RBMS3: variants seen among roughly 807,000 people sequenced by gnomAD.
The protein encoded by RBMS3 is RNA-binding motif, single-stranded-interacting protein 3.
RBMS3 carries 27 observed loss-of-function variants against 66.8 expected under a neutral mutation model. The observed-to-expected ratio is 0.40, with a 90% CI of 0.30 to 0.56. The LOEUF is 0.56. RBMS3 is among the 20% of genes least tolerant of loss of function. RBMS3 has a pLI of 0.40. For synonymous variants in RBMS3, 188 were observed against 183.0 expected, an observed-to-expected ratio of 1.03 and a Z score of -0.22; for missense variants, 513 against 549.5, an observed-to-expected ratio of 0.93 and a Z score of 0.66.
At chr3:29,799,063 G>A (rs2057308011) in intron 6 of RBMS3, among the ~76,000 whole-genome samples, 1 of 151,230 alleles carries the variant, frequency 6.6e-6, no homozygotes, top group African/African-American at 2.4e-5. Flanking sequence ...CTTAAGCGAT[G>A]TCATTGATTT....
chr3:29,321,845 C>G (rs1272880939), intron 1 of RBMS3, among the ~76,000 whole-genome samples: 1 of 152,122 alleles, frequency 6.6e-6, no homozygotes, highest in African/African-American at 2.4e-5. Flanking sequence ...GCACACTCGT[C>G]CTCTCTGAGT....
intron 6 of RBMS3, among the ~76,000 whole-genome samples, chr3:29,785,661 C>T (rs189645094): frequency 2.6e-5 from 4 of 151,962 alleles, no homozygotes; most frequent in African/African-American, 4.8e-5. Context: ...ATGATTAAAC[C>T]CTCAGCAAAA....
intron 1 of RBMS3, among the ~76,000 whole-genome samples, chr3:29,327,382 T>G (rs2035401388): frequency 6.6e-6 from 1 of 152,182 alleles, no homozygotes; most frequent in Non-Finnish European, 1.5e-5. Context: ...TATATTTAAT[T>G]GTAAAAGTTA....
chr3:29,783,642 A>G (rs2056718330), intron 6 of RBMS3, among the ~76,000 whole-genome samples: 1 of 152,118 alleles, frequency 6.6e-6, no homozygotes, highest in Non-Finnish European at 1.5e-5. Flanking sequence ...ACACAATTAA[A>G]AAAAAGTATT....
At chr3:29,986,626 C>T (rs1391310904) in intron 12 of RBMS3, among the ~76,000 whole-genome samples, 1 of 152,172 alleles carries the variant, frequency 6.6e-6, no homozygotes, top group African/African-American at 2.4e-5. Flanking sequence ...CTACAACATA[C>T]TCTATAGAGT....
At chr3:29,399,228 T>TAC (rs1312441019) in intron 1 of RBMS3, among the ~76,000 whole-genome samples, 2 of 152,012 alleles carry the variant, frequency 1.3e-5, no homozygotes, top group African/African-American at 4.8e-5. Context: ...TGTGTATATA[T>TAC]ATATAAGCAA....
chr3:29,610,242 T>C (rs769309721), intron 4 of RBMS3, among the ~76,000 whole-genome samples: 3 of 152,054 alleles, frequency 2.0e-5, no homozygotes, highest in Non-Finnish European at 4.4e-5. Context: ...GACAGATTAA[T>C]GTACAAACAT....
At chr3:29,339,880 A>G (rs998292925) in intron 1 of RBMS3, among the ~76,000 whole-genome samples, 2 of 152,112 alleles carry the variant, frequency 1.3e-5, no homozygotes, top group Admixed American at 6.6e-5. Flanking sequence ...CTGACTATGC[A>G]TCAGTGTAGG....
rs574155423 is a variant in RBMS3 at position 29,982,625 on chromosome 3, A to C, written c.1099-5518A>C. Among the ~76,000 whole-genome samples the C allele has an allele frequency of 5.9e-5, 9 of 152,008 alleles. No individual in the cohort carries two copies. The East Asian group carries it at 1.7e-3, about 29-fold the overall frequency. On this transcript the variant is annotated intron_variant, in intron 12 of 14. Transcript: ENST00000383767. ...ATTCTGGTACGTTGTGTCTGTTCTC[A>C]TTGGTTCAAAGAAGTTACTTATTTC...
intron 3 of RBMS3, among the ~76,000 whole-genome samples, chr3:29,535,177 T>G (rs986473435): frequency 6.6e-6 from 1 of 152,146 alleles, no homozygotes; most frequent in Non-Finnish European, 1.5e-5. Flanking sequence ...CTTAGGGGTT[T>G]TTAGAGCAAG....
chr3:29,818,034 A>G (rs1326941333), intron 6 of RBMS3, among the ~76,000 whole-genome samples: 1 of 152,168 alleles, frequency 6.6e-6, no homozygotes, highest in African/African-American at 2.4e-5. Context: ...TGTTTCAGCA[A>G]TCTTCTAATT....
intron 4 of RBMS3, among the ~76,000 whole-genome samples, chr3:29,619,515 C>CTTTTT (rs2048794415): frequency 6.6e-6 from 1 of 152,086 alleles, no homozygotes; most frequent in African/African-American, 2.4e-5. Context: ...CTTTTTAAGA[C>CTTTTT]ACCAGATGGG....
At chr3:29,473,850 C>T (rs976714668) in intron 2 of RBMS3, among the ~76,000 whole-genome samples, 4 of 152,254 alleles carry the variant, frequency 2.6e-5, no homozygotes, top group African/African-American at 4.8e-5. Flanking sequence ...CCCGCAAGCG[C>T]CGCGCGCAGC....
intron 8 of RBMS3, among the ~76,000 whole-genome samples, chr3:29,895,095 A>G (rs991341626): frequency 1.3e-5 from 2 of 151,588 alleles, no homozygotes; most frequent in African/African-American, 4.8e-5. Context: ...AAGCCTATGG[A>G]GAGCTTTAGG....
chr3:29,844,047 A>G (rs1033921211), intron 6 of RBMS3, among the ~76,000 whole-genome samples: 13 of 152,094 alleles, frequency 8.5e-5, no homozygotes, highest in African/African-American at 3.1e-4. Context: ...AACATTTTCT[A>G]CATTTTTTCT....
intron 4 of RBMS3, among the ~76,000 whole-genome samples, chr3:29,675,292 C>G (rs557508061): frequency 6.6e-6 from 1 of 152,282 alleles, no homozygotes; most frequent in African/African-American, 2.4e-5. Context: ...GGATTAAAGA[C>G]TTAAATGTTA....
intron 7 of RBMS3, among the ~76,000 whole-genome samples, chr3:29,883,503 T>A (rs1469350741): frequency 1.3e-5 from 2 of 152,064 alleles, no homozygotes; most frequent in African/African-American, 4.8e-5. Flanking sequence ...TTTCAGAAAC[T>A]ATATCCAGTT....
At chr3:29,685,242 T>C (rs563295481) in intron 4 of RBMS3, among the ~76,000 whole-genome samples, 8 of 152,038 alleles carry the variant, frequency 5.3e-5, no homozygotes, top group Non-Finnish European at 1.0e-4. Flanking sequence ...TTTGTATTTT[T>C]AGTAGAGATG....
intron 2 of RBMS3, among the ~76,000 whole-genome samples, chr3:29,462,087 C>T (rs2042392296): frequency 6.6e-6 from 1 of 151,882 alleles, no homozygotes; most frequent in African/African-American, 2.4e-5. Context: ...ACTTCTTTCT[C>T]TTTAAAATGG....
Sources: allele counts gnomAD v4.1 joint callset (sites outside exome capture counted in the v4.1 genomes callset), GRCh38; gene constraint gnomAD v4.1.1; transcripts MANE v1.5; gene names NCBI Gene and HGNC (gene_info 2026-07-23, HGNC 2026-07-21).